The following TLK2 variants were observed in gnomAD, a reference collection of about 807,000 sequenced individuals.
The protein encoded by TLK2 is serine/threonine-protein kinase tousled-like 2.
In TLK2, 6 loss-of-function variants were observed where a neutral mutation model predicts 117.3. That is an observed-to-expected ratio of 0.05 (90% CI 0.03 to 0.10). TLK2 has a LOEUF of 0.10. TLK2 is among the 10% of genes least tolerant of loss of function. The pLI is 1.00. For missense variants in TLK2, 299 were observed against 901.2 expected (o/e 0.33, Z 8.56); for synonymous variants, 257 against 316.7 (o/e 0.81, Z 2.00).
rs569309214 is a variant in TLK2 at position 62,605,457 on chromosome 17, A to G, written c.1860-673A>G. 3.6e-3 allele frequency among the ~76,000 whole-genome samples: 551 copies of G among 151,742 alleles called. 2 individuals carry two copies. The highest frequency in any genetic ancestry group is 0.013 in the African/African-American group (520 of 41,354). On this transcript the variant is annotated intron_variant, in intron 19 of 21. Transcript: ENST00000346027. ...GCATGATCTTGGCTCACTGCAGTCA[A>G]CCTCCCCCAGGCTCCGGTGATCCTC...
chr17:62,578,443 C>G lies in TLK2; in HGVS notation c.1189-34C>G, dbSNP rs1439560504. On this transcript the variant is annotated intron_variant, in intron 13 of 21. Transcript: ENST00000346027. ...AGATCCCGAAAAGGTAAAGTTCCCC[C>G]TATTTTGTGCTATTTCTTTCCTTTT... 10 of 1,561,078 alleles carry G rather than the reference C, an allele frequency of 6.4e-6. No individual in the cohort carries two copies. In the Admixed American group the frequency reaches 1.7e-4, roughly 26 times the overall value.
intron 2 of TLK2, among the ~76,000 whole-genome samples, chr17:62,497,986 G>T (rs1187123183): frequency 6.6e-6 from 1 of 152,020 alleles, no homozygotes; most frequent in African/African-American, 2.4e-5. Flanking sequence ...GTGAGCCACC[G>T]TGCCCAGCCC....
intron 7 of TLK2, among the ~76,000 whole-genome samples, chr17:62,536,733 T>G (rs2077137805): frequency 6.6e-6 from 1 of 152,156 alleles, no homozygotes; most frequent in Non-Finnish European, 1.5e-5. Flanking sequence ...ACAGTTTTAG[T>G]ATGTAGGCAG....
At chr17:62,477,484 T>C (rs2071088863), upstream of TLK2, 1 of 152,230 alleles carries the variant, frequency 6.6e-6, no homozygotes, top group Non-Finnish European at 1.5e-5. Context: ...CCATCCTGTG[T>C]CGTTTCGGCA....
At chr17:62,524,675 CTTCTGGCATAAT>C (rs1265692971) in intron 6 of TLK2, among the ~76,000 whole-genome samples, 19 of 152,128 alleles carry the variant, frequency 1.2e-4, no homozygotes, top group Non-Finnish European at 2.4e-4. Flanking sequence ...ATTTGACCAG[CTTCTGGCATAAT>C]TGAGTTATCT....
chr17:62,592,255 G>A (rs906784414), intron 16 of TLK2, among the ~76,000 whole-genome samples: 4 of 152,084 alleles, frequency 2.6e-5, no homozygotes, highest in African/African-American at 7.2e-5. Context: ...CACTGCGCCC[G>A]GCCAGAACTA....
At chr17:62,481,985 G>T (rs1471825409) in intron 2 of TLK2, among the ~76,000 whole-genome samples, 1 of 151,818 alleles carries the variant, frequency 6.6e-6, no homozygotes, top group Non-Finnish European at 1.5e-5. Context: ...TCCTCTTGTC[G>T]CCGAGGCTGG....
At chr17:62,608,514 C>CTTA (rs2083477829) in intron 21 of TLK2, among the ~76,000 whole-genome samples, 2 of 152,146 alleles carry the variant, frequency 1.3e-5, no homozygotes, top group Non-Finnish European at 2.9e-5. Context: ...GGAGCTAATG[C>CTTA]CCATGTAGGA....
At position 62,561,492 on chromosome 17, in the gene TLK2, G is replaced by A. The variant is rs115630765; in HGVS notation, c.831+1366G>A. Among the ~76,000 whole-genome samples the A allele has an allele frequency of 5.2e-3, 799 of 152,318 alleles. 5 individuals are homozygous for A. Among genetic ancestry groups the A allele is most frequent in the African/African-American group, 0.018 (757 of 41,564 alleles). On this transcript the variant is annotated intron_variant, in intron 10 of 21. Coordinates refer to ENST00000346027, the MANE Select transcript of TLK2 (RefSeq NM_006852.6). ...CTCCCAAAGTGCTGGGATTACAGGC[G>A]CTCACCACTGCGCCCAGCCTATTTC... is the stretch of plus-strand genomic sequence containing the variant.
Position 62,573,367 on chromosome 17 carries a change from C to T in TLK2, c.1121C>T (p.Thr374Met), listed in dbSNP as rs753558017. The T allele has an allele frequency of 9.3e-6, 15 of 1,613,734 alleles. No homozygotes were observed. Among genetic ancestry groups the T allele is most frequent in the African/African-American group, 1.3e-5 (1 of 74,894 alleles). The change falls in exon 12 of 22, where the codon ACG (threonine) becomes ATG (methionine). Residue 374 changes from threonine to methionine, a missense_variant and splice_region_variant. This residue lies in a region of TLK2 where 94 missense variants were observed against 282.6 expected (regional missense o/e 0.33). Coordinates refer to ENST00000346027, the MANE Select transcript of TLK2 (RefSeq NM_006852.6). ...AAGACCAATGGAGCTGAAAATGAAA[C>T]GTATGTTCTTTATTGACGTGAACGC... is the stretch of plus-strand genomic sequence containing the variant. ...KSKTNGAENE[T>M]LTLAEYHEQE... is the part of the protein sequence containing the mutation.
chr17:62,473,680 T>C (rs1759487385), intron 1 of TLK2, among the ~76,000 whole-genome samples: 1 of 152,186 alleles, frequency 6.6e-6, no homozygotes, highest in African/African-American at 2.4e-5. Context: ...GAGAATCACG[T>C]AGAGGTTGGA....
rs2083994624 is a variant in TLK2, at chr17:62,614,445, G to C, written c.*1880G>C. 1 of 152,060 alleles carries C rather than the reference G, an allele frequency of 6.6e-6. No individual in the cohort carries two copies. Among genetic ancestry groups the C allele is most frequent in the Non-Finnish European group, 1.5e-5 (1 of 67,954 alleles). 9.4% of individuals were successfully genotyped at this position (152,060 alleles called of 1,614,324 possible). On this transcript the variant is annotated 3_prime_UTR_variant, in exon 22 of 22. Transcript: ENST00000346027. The stretch of plus-strand genomic sequence containing the variant: ...TGGGCAGGGAGGGGGAGTCAGAAAG[G>C]GTAGAGAGCTCTCAAATAACTCATG...
At position 62,573,350 on chromosome 17, in the gene TLK2, T is replaced by C. The variant is rs763604089; in HGVS notation, c.1104T>C (p.Asn368=). The change falls in exon 12 of 22, where the codon AAT becomes AAC. Residue 368 remains asparagine (N), a synonymous_variant. Coordinates refer to ENST00000346027, the MANE Select transcript of TLK2 (RefSeq NM_006852.6). ...NEQKQRKSKT[N]GAENETLTLA... is the part of the protein sequence containing the mutation. ...AGAAACAGCGGAAAAGCAAGACCAA[T>C]GGAGCTGAAAATGAAACGTATGTTC... The C allele has an allele frequency of 6.2e-7, 1 of 1,614,004 alleles. No individual in the cohort carries two copies. Among genetic ancestry groups the C allele is most frequent in the Non-Finnish European group, 8.5e-7 (1 of 1,179,934 alleles).
At chr17:62,524,363 G>C in intron 6 of TLK2, 32 bp downstream of exon 6, 2 of 1,582,368 alleles carry the variant, frequency 1.3e-6, no homozygotes, top group Admixed American at 3.6e-5. Flanking sequence ...TTTGACACCT[G>C]TTGTAGGAGA....
At chr17:62,476,384 C>T (rs1368812013), upstream of TLK2, among the ~76,000 whole-genome samples, 1 of 151,740 alleles carries the variant, frequency 6.6e-6, no homozygotes, top group Non-Finnish European at 1.5e-5. Context: ...GAGTTCGAGA[C>T]CAGTCTGGCC....
Position 62,522,236 on chromosome 17 carries a change from T to C in TLK2, c.186T>C (p.Asn62=). Residue 62 remains asparagine, a synonymous_variant, in exon 4 of 22, where the codon AAT becomes AAC. Transcript: ENST00000346027. ...TPEKKQNDQR[N]RKRKAEPYET... ...AGAAAAAGCAGAATGACCAGCGAAATCGGAAAAGAAAAGCTGAACCATATG... is the reference window on the plus strand; with the variant it reads ...AGAAAAAGCAGAATGACCAGCGAAACCGGAAAAGAAAAGCTGAACCATATG... 1 of 1,613,362 alleles carries C rather than the reference T, an allele frequency of 6.2e-7. No homozygotes were observed. The highest frequency in any genetic ancestry group is 8.5e-7 in the Non-Finnish European group (1 of 1,179,734).
intron 7 of TLK2, among the ~76,000 whole-genome samples, chr17:62,537,989 G>A (rs551287571): frequency 6.6e-6 from 1 of 151,098 alleles, no homozygotes; most frequent in Non-Finnish European, 1.5e-5. Context: ...CACACATTTC[G>A]AGATTGTTAA....
At chr17:62,474,629 C>T (rs1166078871), upstream of TLK2, among the ~76,000 whole-genome samples, 3 of 151,052 alleles carry the variant, frequency 2.0e-5, no homozygotes, top group East Asian at 2.0e-4. Flanking sequence ...AGGATGGTCT[C>T]GATCTCCTGA....
intron 7 of TLK2, among the ~76,000 whole-genome samples, chr17:62,542,286 T>C (rs1335651120): frequency 2.0e-5 from 3 of 152,168 alleles, no homozygotes; most frequent in African/African-American, 7.2e-5. Context: ...CCTTATTTAA[T>C]CTTATTTATT....
Sources: gnomAD v4.1 joint callset for allele counts (sites outside exome capture counted in the v4.1 genomes callset) on GRCh38, gnomAD v4.1.1 for gene constraint, gnomAD v4.1.1 regional missense constraint, MANE v1.5 for transcripts, NCBI Gene and HGNC (gene_info 2026-07-23, HGNC 2026-07-21) for gene names.